CTBP2: variants seen among roughly 807,000 people sequenced by gnomAD.
CTBP2 encodes C-terminal-binding protein 2.
CTBP2 carries 30 observed loss-of-function variants against 80.3 expected under a neutral mutation model. The observed-to-expected ratio is 0.37, with a 90% CI of 0.28 to 0.51. The LOEUF (loss-of-function observed/expected upper bound fraction) is 0.51, where lower values mean the gene tolerates loss of function less well. Ranked by LOEUF, CTBP2 falls within the 20% of genes least tolerant of loss-of-function variation. The pLI, the probability that CTBP2 is intolerant of heterozygous loss-of-function variation, is 0.93. For synonymous variants in CTBP2, 594 were observed against 587.4 expected (o/e 1.01, Z -0.16); for missense variants, 1,212 against 1,375.3 (o/e 0.88, Z 1.88).
In CTBP2 at chr10:125,066,822, G is replaced by C. The variant is rs1187249310; in HGVS notation, c.-101-27667C>G. On this transcript the variant is annotated intron_variant, in intron 2 of 10. Coordinates refer to the CTBP2 transcript ENST00000337195. This position sits in a 1 kb window ranked among gnomAD's most constrained non-coding sequence, Gnocchi z 4.1. Reference sequence around the variant, plus strand: ...CTAGCCCATGTGTCGATCAGTAAATGCCTCAGGGTGAACTCGAGAATCCAG... The same window carrying C: ...CTAGCCCATGTGTCGATCAGTAAATCCCTCAGGGTGAACTCGAGAATCCAG... Among the ~76,000 whole-genome samples, 2 of 152,164 alleles carry C rather than the reference G, an allele frequency of 1.3e-5. No individual in the cohort carries two copies. The highest frequency in any genetic ancestry group is 4.8e-5 in the African/African-American group (2 of 41,422).
intron 1 of CTBP2, among the ~76,000 whole-genome samples, chr10:125,141,586 G>A (rs1488292149): frequency 2.6e-5 from 4 of 151,974 alleles, no homozygotes; most frequent in African/African-American, 4.8e-5. Flanking sequence ...ACAGGAGCAC[G>A]GAACAGGAAG....
chr10:125,026,962 G>A lies in CTBP2; in HGVS notation c.798C>T (p.Ser266=), dbSNP rs984954557. The A allele has an allele frequency of 3.7e-6, 6 of 1,614,082 alleles. No homozygotes were observed. Among genetic ancestry groups the A allele is most frequent in the Non-Finnish European group, 5.1e-6 (6 of 1,180,026 alleles). Residue 266 remains serine (S), a synonymous_variant, in exon 1 of 9, where the codon TCC becomes TCT. Coordinates refer to ENST00000309035, the MANE Select transcript of CTBP2 (RefSeq NM_022802.3). The stretch of plus-strand genomic sequence containing the variant: ...CTTCGTAAGTCTCGTAAGCCATCTT[G>A]GATGGGATGCTTTCCCGGGCAGGCC...
At chr10:125,105,657 T>C (rs894736980) in intron 2 of CTBP2, among the ~76,000 whole-genome samples, 1 of 152,148 alleles carries the variant, frequency 6.6e-6, no homozygotes, top group Non-Finnish European at 1.5e-5. Context: ...CAACTGAAAC[T>C]GCTTAAAACC....
At chr10:124,995,233 G>A (rs11245454) in intron 4 of CTBP2, among the ~76,000 whole-genome samples, 31,526 of 152,200 alleles carry the variant, frequency 0.21, 3,770 homozygotes, top group South Asian at 0.3. Context: ...TGTTCTGGGC[G>A]GGAGGCAGGG....
rs1409561152 is a variant in CTBP2 at position 125,037,721 on chromosome 10, C to T, written c.58+1276G>A. ...GCAGCCTATACTAGACAATACTGTC[C>T]CTGAGGTTAGATTCCTGGGGTTCAT... is the stretch of plus-strand genomic sequence containing the variant. On this transcript the variant is annotated intron_variant, in intron 3 of 10. Coordinates refer to the CTBP2 transcript ENST00000337195. Among the ~76,000 whole-genome samples the T allele has an allele frequency of 2.0e-5, 3 of 152,268 alleles. No individual in the cohort carries two copies. The East Asian group carries it at 5.8e-4, about 29-fold the overall frequency.
chr10:125,120,733 A>G (rs1854178244), intron 1 of CTBP2, among the ~76,000 whole-genome samples: 2 of 152,172 alleles, frequency 1.3e-5, no homozygotes, highest in South Asian at 2.1e-4. Context: ...GCTGGAGTGC[A>G]GTGGCATGAT....
chr10:125,144,567 C>T lies in CTBP2; in HGVS notation c.-206+15752G>A, dbSNP rs191343150. On this transcript the variant is annotated intron_variant, in intron 1 of 10. Transcript: ENST00000337195. ...ATTTGCCACAAAACGAGTTCACTCT[C>T]AGTTCTAAAACAGCAGGTATCACTC... Among the ~76,000 whole-genome samples, 22 of 152,294 alleles carry T rather than the reference C, an allele frequency of 1.4e-4. No individual in the cohort carries two copies. In the East Asian group the frequency reaches 4.2e-3, roughly 29 times the overall value.
intron 1 of CTBP2, among the ~76,000 whole-genome samples, chr10:125,125,805 T>C (rs971227916): frequency 7.9e-5 from 12 of 152,338 alleles, no homozygotes; most frequent in African/African-American, 2.9e-4. Context: ...TCTTGAGATC[T>C]GGGCTAAGAA....
intron 7 of CTBP2, 40 bp from the exon 10 acceptor site, chr10:124,992,852 A>G (rs746021868): frequency 2.0e-6 from 3 of 1,472,248 alleles, no homozygotes; most frequent in Non-Finnish European, 1.9e-6. Flanking sequence ...TTATTTTTAC[A>G]AATCACAGTA....
At chr10:125,034,101 C>T (rs763078577) in intron 3 of CTBP2, among the ~76,000 whole-genome samples, 4 of 152,208 alleles carry the variant, frequency 2.6e-5, no homozygotes, top group Non-Finnish European at 5.9e-5. Context: ...CCGCCCATCA[C>T]CAAACTGACC....
chr10:125,026,187 G>A lies in CTBP2; in HGVS notation c.1573C>T (p.Pro525Ser). The A allele has an allele frequency of 6.2e-7, 1 of 1,612,090 alleles. No individual in the cohort carries two copies. The highest frequency in any genetic ancestry group is 8.5e-7 in the Non-Finnish European group (1 of 1,178,760). The stretch of plus-strand genomic sequence containing the variant: ...GTGTGGAGGCTCTGGCTGGCCGGCG[G>A]CAGGGTGGATGGCCCCAGGGGTGCA... Residue 525 changes from proline to serine, a missense_variant, in exon 1 of 9, where the codon CCG (proline) becomes TCG (serine). Transcript: ENST00000309035.
At chr10:125,039,329 G>A (rs1156842185) in intron 2 of CTBP2, among the ~76,000 whole-genome samples, 174 bp from the exon 3 acceptor site, 2 of 152,188 alleles carry the variant, frequency 1.3e-5, no homozygotes, top group Admixed American at 6.5e-5. Context: ...CATCTCAGCC[G>A]CCTCCTGCTT....
At chr10:125,138,666 TAA>T (rs77530093) in intron 1 of CTBP2, among the ~76,000 whole-genome samples, 63 of 124,630 alleles carry the variant, frequency 5.1e-4, no homozygotes, top group African/African-American at 8.6e-4. Context: ...GCCAAATGGT[TAA>T]AAAAAAAAAA....
chr10:125,005,842 AC>A, intron 1 of CTBP2: 1 of 1,585,544 alleles, frequency 6.3e-7, no homozygotes, highest in Non-Finnish European at 8.6e-7. Context: ...AGTGAGGAAC[AC>A]CCCAACTTCA....
At position 125,027,753 on chromosome 10, in the gene CTBP2, C is replaced by T. The variant is rs200390491; in HGVS notation, c.7G>A (p.Val3Ile). The T allele has an allele frequency of 2.5e-6, 4 of 1,575,988 alleles. No individual in the cohort carries two copies. The East Asian group carries it at 9.2e-5, about 36-fold the overall frequency. ...CCAATATTTATATGCCTGCTGGGAA[C>T]TGGCATTGGAAAAAAAATGACTGCG... Residue 3 changes from valine to isoleucine, a missense_variant, in exon 1 of 9, where the codon GTT (valine) becomes ATT (isoleucine). Physicochemically the swap from Val to Ile is conservative, Grantham distance 29. Around this residue, in one of 3 missense-constraint regions of CTBP2, gnomAD observed 848 missense variants for 782.3 expected, o/e 1.08. Coordinates refer to ENST00000309035, the MANE Select transcript of CTBP2 (RefSeq NM_022802.3).
intron 2 of CTBP2, among the ~76,000 whole-genome samples, chr10:125,042,118 T>C (rs1590273698): frequency 6.6e-6 from 1 of 152,180 alleles, no homozygotes; most frequent in East Asian, 1.9e-4. Flanking sequence ...GTCTGGGCAG[T>C]GACCATTGAC....
intron 2 of CTBP2, among the ~76,000 whole-genome samples, chr10:125,061,301 G>A (rs1964919161): frequency 6.6e-6 from 1 of 152,208 alleles, no homozygotes; most frequent in Non-Finnish European, 1.5e-5. Context: ...TGGTGGCGCT[G>A]TTGGCACCAG....
intron 2 of CTBP2, among the ~76,000 whole-genome samples, chr10:125,109,872 C>T (rs1852022429): frequency 6.6e-6 from 1 of 152,234 alleles, no homozygotes; most frequent in Non-Finnish European, 1.5e-5. Flanking sequence ...AGCTGGTAAG[C>T]AATATTTGGA....
intron 1 of CTBP2, among the ~76,000 whole-genome samples, chr10:125,142,212 T>C (rs1188705826): frequency 6.6e-6 from 1 of 152,156 alleles, no homozygotes; most frequent in Non-Finnish European, 1.5e-5. Flanking sequence ...TGGCTTTTGG[T>C]CCGACCTGTC....
Sources: gnomAD v4.1 joint callset for allele counts (sites outside exome capture counted in the v4.1 genomes callset) on GRCh38, gnomAD v4.1.1 for gene constraint, gnomAD v4.1.1 regional missense constraint, Gnocchi (gnomAD v3.1) non-coding constraint, MANE v1.5 for transcripts, NCBI Gene and HGNC (gene_info 2026-07-23, HGNC 2026-07-21) for gene names.